Variants in BSN observed in about 807,000 individuals in gnomAD.
BSN encodes bassoon presynaptic cytomatrix protein.
Under a neutral mutation model 264.8 loss-of-function variants are expected in BSN, and 57 were observed. That is an observed-to-expected ratio of 0.22 (90% CI 0.17 to 0.27). The LOEUF is 0.27. Among genes scored for constraint, BSN ranks in the 10% least tolerant of loss-of-function variants. The pLI is 1.00. For synonymous variants in BSN, 2,059 were observed against 2,137.3 expected (o/e 0.96, Z 1.01); for missense variants, 4,615 against 5,232.5 (o/e 0.88, Z 3.64).
chr3:49,654,786 C>A lies in BSN; in HGVS notation c.5230C>A (p.Gln1744Lys). 6.2e-7 allele frequency: 1 copy of A among 1,613,518 alleles called. No individual in the cohort carries two copies. The highest frequency in any genetic ancestry group is 8.5e-7 in the Non-Finnish European group (1 of 1,179,928). The change falls in exon 5 of 12, where the codon CAA (glutamine) becomes AAA (lysine). Residue 1744 changes from glutamine (Q) to lysine (K), a missense_variant. Around this residue, in one of 3 missense-constraint regions of BSN, gnomAD observed 3,415 missense variants for 3,866.4 expected, o/e 0.88. Coordinates refer to ENST00000296452, the MANE Select transcript of BSN (RefSeq NM_003458.4). This position sits in a 1 kb window ranked among gnomAD's most constrained non-coding sequence, Gnocchi z 4.1. ...ITMASSVFMAQQKQPVVYGDP... is the reference protein window; with the variant it reads ...ITMASSVFMAKQKQPVVYGDP... ...CATGGCCTCGTCTGTGTTCATGGCT[C>A]AACAAAAGCAGCCTGTGGTCTATGG...
chr3:49,573,935 G>A (rs1426079960), intron 1 of BSN, among the ~76,000 whole-genome samples: 6 of 151,808 alleles, frequency 4.0e-5, no homozygotes, highest in African/African-American at 7.3e-5. Flanking sequence ...GGGATTACAG[G>A]CATGAGCCAC....
At chr3:49,649,159 G>A (rs1448005675) in intron 3 of BSN, among the ~76,000 whole-genome samples, 1 of 152,216 alleles carries the variant, frequency 6.6e-6, no homozygotes, top group Non-Finnish European at 1.5e-5. Context: ...GGCACCCTGG[G>A]GGTACCAGGC....
chr3:49,596,018 A>G, intron 1 of BSN, among the ~76,000 whole-genome samples: 1 of 152,150 alleles, frequency 6.6e-6, no homozygotes, highest in East Asian at 1.9e-4. Context: ...GGTGACTAGA[A>G]CTTCCATTAT....
intron 1 of BSN, among the ~76,000 whole-genome samples, chr3:49,555,319 G>C (rs2051659161): frequency 6.6e-6 from 1 of 152,166 alleles, no homozygotes; most frequent in Non-Finnish European, 1.5e-5. Context: ...TTGGTCTTGG[G>C]CTTTCCTTGG....
intron 1 of BSN, among the ~76,000 whole-genome samples, chr3:49,598,358 A>G (rs758195770): frequency 8.5e-5 from 13 of 152,168 alleles, no homozygotes; most frequent in Non-Finnish European, 1.8e-4. Context: ...AACTGACTCT[A>G]TGGAGTCTGT....
At chr3:49,566,633 A>C (rs918729860) in intron 1 of BSN, among the ~76,000 whole-genome samples, 3 of 151,978 alleles carry the variant, frequency 2.0e-5, no homozygotes, top group African/African-American at 7.3e-5. Context: ...AAAATACAAA[A>C]AAATTAGCCA....
chr3:49,574,132 A>ATTG (rs2051821513), intron 1 of BSN, among the ~76,000 whole-genome samples: 1 of 127,990 alleles, frequency 7.8e-6, no homozygotes, highest in African/African-American at 3.0e-5. Flanking sequence ...GTATTTTTGT[A>ATTG]TTTTTTTTTT....
At chr3:49,602,709 TGCTG>T (rs556614593) in intron 1 of BSN, among the ~76,000 whole-genome samples, 149 of 152,254 alleles carry the variant, frequency 9.8e-4, no homozygotes, top group African/African-American at 3.5e-3. Flanking sequence ...CCTCCCAAAG[TGCTG>T]GGATTACAGG....
intron 1 of BSN, among the ~76,000 whole-genome samples, chr3:49,586,522 G>T (rs2051939432): frequency 6.6e-6 from 1 of 152,106 alleles, no homozygotes; most frequent in African/African-American, 2.4e-5. Context: ...TGTATTTTCA[G>T]TAGAGACAGG....
At chr3:49,626,393 A>G (rs749878678) in intron 2 of BSN, among the ~76,000 whole-genome samples, 3 of 152,084 alleles carry the variant, frequency 2.0e-5, no homozygotes, top group Non-Finnish European at 4.4e-5. Context: ...GTCAGGGTCT[A>G]TATATGCCAT....
At chr3:49,627,374 C>T (rs749922560) in intron 2 of BSN, among the ~76,000 whole-genome samples, 7 of 152,234 alleles carry the variant, frequency 4.6e-5, no homozygotes, top group Middle Eastern at 3.4e-3. Flanking sequence ...CAGGTAGAAC[C>T]TTCGCTTCTC....
Position 49,586,584 on chromosome 3 carries a change from G to A in BSN, c.224+31758G>A, listed in dbSNP as rs953539187. On this transcript the variant is annotated intron_variant, in intron 1 of 11. Coordinates refer to ENST00000296452, the MANE Select transcript of BSN (RefSeq NM_003458.4). The stretch of plus-strand genomic sequence containing the variant: ...TTGAACTCCTGGACTCAAGCAATCC[G>A]TCCATCTCAGCTTCCCAGAGTGCTG... Among the ~76,000 whole-genome samples, 13 of 152,148 alleles carry A rather than the reference G, an allele frequency of 8.5e-5. 1 individual carries two copies. The East Asian group carries it at 1.3e-3, about 16-fold the overall frequency.
chr3:49,646,546 G>A (rs2052504528), intron 3 of BSN, among the ~76,000 whole-genome samples: 2 of 152,200 alleles, frequency 1.3e-5, no homozygotes, highest in Non-Finnish European at 2.9e-5. Flanking sequence ...GTAGAATAGG[G>A]ACCACAATAC....
chr3:49,569,827 G>C (rs1356091777), intron 1 of BSN, among the ~76,000 whole-genome samples: 1 of 152,246 alleles, frequency 6.6e-6, no homozygotes, highest in East Asian at 1.9e-4. Flanking sequence ...CCTCACTCCT[G>C]TTCAGTAAAC....
Position 49,568,795 on chromosome 3 carries a change from CTG to C in BSN, c.224+13972_224+13973del, listed in dbSNP as rs1016176360. On this transcript the variant is annotated intron_variant, in intron 1 of 11. Transcript: ENST00000296452. ...GCATTTTGTAATTTTACCAGTGTGT[CTG>C]TGCGATAGTTTCCTAGAAGTAGGAT... 3.9e-5 allele frequency among the ~76,000 whole-genome samples: 6 copies of C among 152,250 alleles called. 1 individual carries two copies. Among genetic ancestry groups the C allele is most frequent in the African/African-American group, 1.4e-4 (6 of 41,534 alleles).
chr3:49,609,566 G>C (rs2052187476), intron 1 of BSN, among the ~76,000 whole-genome samples: 1 of 152,186 alleles, frequency 6.6e-6, no homozygotes, highest in Non-Finnish European at 1.5e-5. Context: ...TGCTTTGAAG[G>C]CTGTGGGCAA....
rs1015404261 is a variant in BSN, at chr3:49,638,515, C to T, written c.634-3753C>T. Among the ~76,000 whole-genome samples the T allele has an allele frequency of 6.6e-6, 1 of 152,136 alleles. No individual in the cohort carries two copies. The highest frequency in any genetic ancestry group is 1.5e-5 in the Non-Finnish European group (1 of 68,010). On this transcript the variant is annotated intron_variant, in intron 2 of 11. Coordinates refer to ENST00000296452, the MANE Select transcript of BSN (RefSeq NM_003458.4). The surrounding 1 kb of genome is among the most constrained non-coding windows in gnomAD (Gnocchi z 4.3). ...AGAGAGCTCCCTCAGCCAGTGTCCT[C>T]CTTAGGAGGCCTTGCATGCTGGGCC...
At chr3:49,666,149 C>T (rs2052712135) in intron 11 of BSN, among the ~76,000 whole-genome samples, 2 of 152,262 alleles carry the variant, frequency 1.3e-5, no homozygotes, top group South Asian at 4.1e-4. Flanking sequence ...CTTCAGGGTG[C>T]TTCTCACGGT....
At position 49,661,914 on chromosome 3, in the gene BSN, C is replaced by T. The variant is rs374322298; in HGVS notation, c.10069C>T (p.Arg3357Cys). 12 of 1,613,836 alleles carry T rather than the reference C, an allele frequency of 7.4e-6. No individual in the cohort carries two copies. The East Asian group carries it at 1.6e-4, about 21-fold the overall frequency. Residue 3357 changes from arginine (R) to cysteine (C), a missense_variant, in exon 6 of 12, where the codon CGC (arginine) becomes TGC (cysteine). Coordinates refer to ENST00000296452, the MANE Select transcript of BSN (RefSeq NM_003458.4). The stretch of plus-strand genomic sequence containing the variant: ...GGCTCCAGCTGCCATCTCCTCAAAG[C>T]GCAGCAAGCACCGGAAGCAGGGCAT... Reference protein sequence around the residue: ...SLAPAAISSKRSKHRKQGMEQ... With the variant: ...SLAPAAISSKCSKHRKQGMEQ...
Sources: allele counts gnomAD v4.1 joint callset (sites outside exome capture counted in the v4.1 genomes callset), GRCh38; gene constraint gnomAD v4.1.1; regional missense constraint gnomAD v4.1.1; non-coding constraint Gnocchi (gnomAD v3.1); transcripts MANE v1.5; gene names NCBI Gene and HGNC (gene_info 2026-07-23, HGNC 2026-07-21).